Variants in COQ8A observed in about 807,000 individuals in gnomAD.
COQ8A encodes the protein atypical kinase COQ8A, mitochondrial.
In COQ8A, 51 loss-of-function variants were observed where a neutral mutation model predicts 65.0. The observed-to-expected ratio is 0.78, with a 90% CI of 0.63 to 0.99. The LOEUF is 0.99. COQ8A is among the 50% of genes least tolerant of loss of function. The pLI, the probability that COQ8A is intolerant of heterozygous loss-of-function variation, is 0.00. For synonymous variants in COQ8A, 371 were observed against 353.2 expected (o/e 1.05, Z -0.57); for missense variants, 940 against 875.0 (o/e 1.07, Z -0.94).
intron 4 of COQ8A, among the ~76,000 whole-genome samples, chr1:226,976,722 AT>A (rs1335737807): frequency 1.3e-5 from 2 of 152,086 alleles, no homozygotes; most frequent in Non-Finnish European, 2.9e-5. Context: ...TCATTGACTG[AT>A]TTTTGGATAA....
intron 5 of COQ8A, among the ~76,000 whole-genome samples, chr1:226,981,616 G>A (rs1436530852): frequency 1.3e-5 from 2 of 152,236 alleles, no homozygotes; most frequent in East Asian, 3.9e-4. Context: ...CTGGGTGGGG[G>A]TGCACAGGGC....
rs779112588 is a variant in COQ8A at position 226,972,710 on chromosome 1, C to T, written c.656-4739C>T. Among the ~76,000 whole-genome samples the T allele has an allele frequency of 2.0e-5, 3 of 152,072 alleles. No individual in the cohort carries two copies. Among genetic ancestry groups the T allele is most frequent in the Non-Finnish European group, 4.4e-5 (3 of 68,016 alleles). ...CCCCATCCCCCCAAACTTTTGTGTC[C>T]CTCATCTCAGTGGTAAAATTTAAAA... On this transcript the variant is annotated intron_variant, in intron 4 of 14. Transcript: ENST00000366777. This position sits in a 1 kb window ranked among gnomAD's most constrained non-coding sequence, Gnocchi z 4.3.
In COQ8A at chr1:226,982,165, G is replaced by C. The variant is rs761704776; in HGVS notation, c.853+16G>C. On this transcript the variant is annotated intron_variant, in intron 6 of 14. Transcript: ENST00000366777. ...AGCATCCAGGGTGAGTGGGCGCGGG[G>C]GCTGCTGCCCCGGGACTGCGTGGGC... 1.9e-6 allele frequency: 3 copies of C among 1,565,760 alleles called. No homozygotes were observed. Among genetic ancestry groups the C allele is most frequent in the South Asian group, 2.3e-5 (2 of 85,702 alleles).
chr1:226,963,615 A>G (rs1572043497), intron 2 of COQ8A, among the ~76,000 whole-genome samples: 1 of 151,912 alleles, frequency 6.6e-6, no homozygotes, highest in Admixed American at 6.6e-5. Context: ...TTTATTTTTT[A>G]TTTTTTTGAG....
chr1:226,969,049 A>C (rs558354180), intron 4 of COQ8A, among the ~76,000 whole-genome samples: 1 of 152,260 alleles, frequency 6.6e-6, no homozygotes, highest in South Asian at 2.1e-4. Context: ...TTGATTCCAA[A>C]TGGGAATATT....
intron 2 of COQ8A, 67 bp downstream of exon 2, chr1:226,961,629 A>T: frequency 3.9e-6 from 6 of 1,527,146 alleles, no homozygotes; most frequent in Non-Finnish European, 5.3e-6. Context: ...TCTGGGGGAG[A>T]CCAAGGGCTG....
chr1:226,978,577 TACAC>T (rs1351592247), intron 5 of COQ8A, among the ~76,000 whole-genome samples: 1 of 51,046 alleles, frequency 2.0e-5, no homozygotes, highest in African/African-American at 4.8e-5. Flanking sequence ...CACACCACCT[TACAC>T]ACTCTCCACA....
At chr1:226,957,539 T>A (rs6704087) in intron 1 of COQ8A, among the ~76,000 whole-genome samples, 24,362 of 151,988 alleles carry the variant, frequency 0.16, 2,560 homozygotes, top group Non-Finnish European at 0.24. Context: ...GTCCCTGGCC[T>A]GCTGTCATAG....
At chr1:226,965,790 C>T (rs1033024584) in intron 4 of COQ8A, 53 bp downstream of exon 4, 44 of 1,561,454 alleles carry the variant, frequency 2.8e-5, no homozygotes, top group Non-Finnish European at 3.4e-5. Context: ...CTGGGCACCA[C>T]GCTGCGGCCT....
chr1:226,985,566 G>A (rs1660052193), intron 14 of COQ8A, among the ~76,000 whole-genome samples: 1 of 152,160 alleles, frequency 6.6e-6, no homozygotes, highest in Non-Finnish European at 1.5e-5. Flanking sequence ...TGAAGCTCTT[G>A]TTTCTGCCTC....
rs368872986 is a variant in COQ8A at position 226,982,114 on chromosome 1, C to T, written c.818C>T (p.Ala273Val). The change falls in exon 6 of 15, where the codon GCG becomes GTG. Residue 273 changes from alanine to valine, a missense_variant. By Grantham distance (64) the Ala-to-Val change is moderately conservative. Coordinates refer to ENST00000366777, the MANE Select transcript of COQ8A (RefSeq NM_020247.5). ...IVRTLCKVRG[A>V]ALKLGQMLSI... ...CGCACGCTCTGCAAGGTGCGTGGTGCGGCACTCAAGCTGGGCCAGATGCTG... is the reference window on the plus strand; with the variant it reads ...CGCACGCTCTGCAAGGTGCGTGGTGTGGCACTCAAGCTGGGCCAGATGCTG... 3.6e-5 allele frequency: 58 copies of T among 1,607,494 alleles called. No individual in the cohort carries two copies. Among genetic ancestry groups the T allele is most frequent in the Middle Eastern group, 1.6e-4 (1 of 6,072 alleles).
At chr1:226,960,925 G>A (rs576743451) in intron 1 of COQ8A, among the ~76,000 whole-genome samples, 1 of 152,046 alleles carries the variant, frequency 6.6e-6, no homozygotes, top group African/African-American at 2.4e-5. Context: ...GCCGTGAGTG[G>A]TCCCTTGGAC....
intron 4 of COQ8A, among the ~76,000 whole-genome samples, chr1:226,971,349 G>A (rs1017990630): frequency 2.0e-5 from 3 of 152,014 alleles, no homozygotes; most frequent in Non-Finnish European, 4.4e-5. Context: ...TCAAGAGATC[G>A]AGACGATCCT....
At chr1:226,962,154 C>T (rs893963941) in intron 2 of COQ8A, among the ~76,000 whole-genome samples, 3 of 152,226 alleles carry the variant, frequency 2.0e-5, no homozygotes, top group African/African-American at 4.8e-5. Context: ...GCTGAGCCTC[C>T]GCCAAGGCCT....
At chr1:226,978,927 A>C (rs1017797120) in intron 5 of COQ8A, among the ~76,000 whole-genome samples, 9 of 132,586 alleles carry the variant, frequency 6.8e-5, no homozygotes, top group Non-Finnish European at 8.1e-5. Context: ...ACCCCTCCAC[A>C]CACCCACCAC....
rs754818658 is a variant in COQ8A at position 226,983,862 on chromosome 1, C to T, written c.1256+8C>T. 8 of 1,601,634 alleles carry T rather than the reference C, an allele frequency of 5.0e-6. No homozygotes were observed. The African/African-American group carries it at 5.5e-5, about 11-fold the overall frequency. On this transcript the variant is annotated splice_region_variant and intron_variant, in intron 10 of 14. Coordinates refer to ENST00000366777, the MANE Select transcript of COQ8A (RefSeq NM_020247.5). ...CTGTGCCCGCAAGTTCAGGTGTGGC[C>T]CCCGGCCGGGCCCCTTGCGTGTTTG...
At position 226,968,533 on chromosome 1, in the gene COQ8A, C is replaced by T. The variant is rs184447186; in HGVS notation, c.655+2796C>T. 3.8e-4 allele frequency among the ~76,000 whole-genome samples: 58 copies of T among 152,180 alleles called. No homozygotes were observed. The South Asian group carries it at 5.8e-3, about 15-fold the overall frequency. On this transcript the variant is annotated intron_variant, in intron 4 of 14. Coordinates refer to ENST00000366777, the MANE Select transcript of COQ8A (RefSeq NM_020247.5). ...CAAACAGTTTGTAGTTGCACTGTTGCGCTTTGTTCTCCTAGAAAATACCTC... is the reference window on the plus strand; with the variant it reads ...CAAACAGTTTGTAGTTGCACTGTTGTGCTTTGTTCTCCTAGAAAATACCTC...
At chr1:226,947,162 G>A (rs1469627020) in intron 1 of COQ8A, among the ~76,000 whole-genome samples, 1 of 152,192 alleles carries the variant, frequency 6.6e-6, no homozygotes, top group Non-Finnish European at 1.5e-5. Flanking sequence ...GTCTCATATT[G>A]AGTGACTATT....
At chr1:226,978,235 CCA>C (rs199762444) in intron 5 of COQ8A, among the ~76,000 whole-genome samples, 65 of 108,618 alleles carry the variant, frequency 6.0e-4, no homozygotes, top group African/African-American at 1.4e-3. Context: ...TACACACCCA[CCA>C]CACACACCTG....
Sources: allele counts gnomAD v4.1 joint callset (sites outside exome capture counted in the v4.1 genomes callset), GRCh38; gene constraint gnomAD v4.1.1; non-coding constraint Gnocchi (gnomAD v3.1); transcripts MANE v1.5; gene names NCBI Gene and HGNC (gene_info 2026-07-23, HGNC 2026-07-21).